The following TMTC1 variants were observed in gnomAD, a reference collection of about 807,000 sequenced individuals.
TMTC1 encodes the protein transmembrane O-mannosyltransferase targeting cadherins 1, also known as protein O-mannosyl-transferase TMTC1.
TMTC1 carries 73 observed loss-of-function variants against 104.8 expected under a neutral mutation model. The observed-to-expected ratio is 0.70, with a 90% CI of 0.58 to 0.85. TMTC1 has a LOEUF of 0.85. Ranked by LOEUF, TMTC1 falls within the 40% of genes least tolerant of loss-of-function variation. TMTC1 has a pLI of 0.00. For missense variants in TMTC1, 1,035 were observed against 1,096.1 expected (o/e 0.94, Z 0.79); for synonymous variants, 434 against 428.7 (o/e 1.01, Z -0.15).
intron 13 of TMTC1, among the ~76,000 whole-genome samples, chr12:29,518,159 T>C (rs905948849): frequency 1.3e-5 from 2 of 152,232 alleles, no homozygotes; most frequent in African/African-American, 4.8e-5. Flanking sequence ...TAGTTTTTCA[T>C]GTATCCTCAT....
intron 9 of TMTC1, among the ~76,000 whole-genome samples, chr12:29,569,168 A>G (rs1592246375): frequency 6.6e-6 from 1 of 152,342 alleles, no homozygotes; most frequent in South Asian, 2.1e-4. Context: ...CAGAAATATT[A>G]TAAATGATGT....
chr12:29,668,730 G>A (rs1278788702), intron 5 of TMTC1, among the ~76,000 whole-genome samples: 1 of 152,016 alleles, frequency 6.6e-6, no homozygotes, highest in African/African-American at 2.4e-5. Context: ...CAAAGTGCTG[G>A]GATTACAGGC....
chr12:29,543,922 A>G (rs565229334), intron 10 of TMTC1, among the ~76,000 whole-genome samples: 10 of 152,230 alleles, frequency 6.6e-5, no homozygotes, highest in African/African-American at 2.4e-4. Context: ...GAGGACACAG[A>G]TTCATATTAT....
chr12:29,652,368 C>T (rs1241088957), intron 5 of TMTC1, among the ~76,000 whole-genome samples: 1 of 152,194 alleles, frequency 6.6e-6, no homozygotes, highest in Non-Finnish European at 1.5e-5. Flanking sequence ...GCATGCATTT[C>T]AAGCCTATCA....
intron 9 of TMTC1, among the ~76,000 whole-genome samples, chr12:29,568,513 G>A (rs570900556): frequency 3.0e-4 from 45 of 152,226 alleles, no homozygotes; most frequent in African/African-American, 9.9e-4. Flanking sequence ...TCATAGCAAT[G>A]AATTATGGAG....
rs1943680749 is a variant in TMTC1, at chr12:29,505,662, G to T, written c.*1184C>A. On this transcript the variant is annotated 3_prime_UTR_variant, in exon 18 of 18. Transcript: ENST00000539277. ...ACTAAAAATAAATGTCAAATTGTGA[G>T]TTCAACTTTGCCTTTCCTATTTCTT... 6.6e-6 allele frequency: 1 copy of T among 151,846 alleles called. No homozygotes were observed. Among genetic ancestry groups the T allele is most frequent in the Non-Finnish European group, 1.5e-5 (1 of 67,962 alleles). The allele number at this position is 151,846 out of a possible 1,614,324, so 9.4% of individuals were successfully genotyped here.
chr12:29,647,017 T>C (rs139529892), intron 5 of TMTC1, among the ~76,000 whole-genome samples: 19 of 152,252 alleles, frequency 1.2e-4, no homozygotes, highest in Middle Eastern at 3.4e-3. Flanking sequence ...TTCAGCTTCG[T>C]TTCGAAAAAA....
chr12:29,757,888 G>A (rs1486631284), intron 3 of TMTC1, among the ~76,000 whole-genome samples: 1 of 152,086 alleles, frequency 6.6e-6, no homozygotes, highest in Non-Finnish European at 1.5e-5. Flanking sequence ...CATGAGAGCA[G>A]CACAGGAAAG....
intron 5 of TMTC1, among the ~76,000 whole-genome samples, chr12:29,718,813 G>A (rs1166206227): frequency 2.6e-5 from 4 of 151,552 alleles, no homozygotes; most frequent in African/African-American, 7.3e-5. Context: ...GGTGCCTGTA[G>A]TCCCAGATAC....
chr12:29,575,016 A>G (rs1023435227), intron 8 of TMTC1, among the ~76,000 whole-genome samples: 2 of 151,964 alleles, frequency 1.3e-5, no homozygotes, highest in Non-Finnish European at 2.9e-5. Flanking sequence ...GATACCAACA[A>G]TTTGAAGATG....
intron 6 of TMTC1, among the ~76,000 whole-genome samples, chr12:29,630,268 G>A (rs1209462988): frequency 6.6e-6 from 1 of 152,174 alleles, no homozygotes; most frequent in South Asian, 2.1e-4. Context: ...CATGGCTGGG[G>A]AGGCTTCAGG....
At chr12:29,601,521 G>A (rs1946564488) in intron 7 of TMTC1, among the ~76,000 whole-genome samples, 1 of 152,110 alleles carries the variant, frequency 6.6e-6, no homozygotes, top group Admixed American at 6.5e-5. Flanking sequence ...GAGTTGAGCC[G>A]AAAGTCCATT....
intron 11 of TMTC1, among the ~76,000 whole-genome samples, chr12:29,524,711 C>A (rs1008013197): frequency 6.6e-6 from 1 of 152,138 alleles, no homozygotes; most frequent in African/African-American, 2.4e-5. Flanking sequence ...AAGGAATGAA[C>A]CAATGTTCTG....
rs149521119 is a variant in TMTC1, at chr12:29,630,252, G to T, written c.1128+2895C>A. 5.1e-3 allele frequency among the ~76,000 whole-genome samples: 777 copies of T among 152,322 alleles called. 8 individuals are homozygous for T. The highest frequency in any genetic ancestry group is 0.018 in the African/African-American group (749 of 41,574). Reference sequence around the variant, plus strand: ...AGAAAACAGGTTTAATTGACTCACAGTTCTGCATGGCTGGGGAGGCTTCAG... The same window carrying T: ...AGAAAACAGGTTTAATTGACTCACATTTCTGCATGGCTGGGGAGGCTTCAG... On this transcript the variant is annotated intron_variant, in intron 6 of 17. Coordinates refer to ENST00000539277, the MANE Select transcript of TMTC1 (RefSeq NM_001193451.2).
At chr12:29,618,358 C>T (rs1169579872) in intron 6 of TMTC1, among the ~76,000 whole-genome samples, 1 of 152,116 alleles carries the variant, frequency 6.6e-6, no homozygotes, top group Non-Finnish European at 1.5e-5. Context: ...TTGAACAACC[C>T]TAGGTCCTAC....
intron 10 of TMTC1, among the ~76,000 whole-genome samples, chr12:29,546,764 C>A (rs1944953232): frequency 6.6e-6 from 1 of 152,082 alleles, no homozygotes; most frequent in Non-Finnish European, 1.5e-5. Context: ...TCAGACTAGT[C>A]CCAGCTACTC....
intron 6 of TMTC1, among the ~76,000 whole-genome samples, chr12:29,631,810 A>G (rs943842097): frequency 1.3e-5 from 2 of 151,958 alleles, no homozygotes; most frequent in African/African-American, 2.4e-5. Flanking sequence ...TGAAATTATT[A>G]CTCAGTTCTT....
intron 11 of TMTC1, 81 bp downstream of exon 11, chr12:29,536,128 T>C (rs779899554): frequency 2.1e-6 from 2 of 941,220 alleles, no homozygotes; most frequent in South Asian, 1.4e-5. Context: ...ACAAATTAAA[T>C]CATTAGTACA....
chr12:29,594,389 C>T (rs1946356181), intron 7 of TMTC1, among the ~76,000 whole-genome samples: 1 of 152,254 alleles, frequency 6.6e-6, no homozygotes, highest in Non-Finnish European at 1.5e-5. Flanking sequence ...GACCTGACTG[C>T]ATAGGCATAG....
Sources: gnomAD v4.1 joint callset for allele counts (sites outside exome capture counted in the v4.1 genomes callset) on GRCh38, gnomAD v4.1.1 for gene constraint, MANE v1.5 for transcripts, NCBI Gene and HGNC (gene_info 2026-07-23, HGNC 2026-07-21) for gene names.